Variants in EMP2 observed in about 807,000 individuals in gnomAD.
The protein encoded by EMP2 is epithelial membrane protein 2.
In EMP2, 19 loss-of-function variants were observed where a neutral mutation model predicts 13.7. The observed-to-expected ratio is 1.38, with a 90% CI of 0.97 to 2.03. The LOEUF (loss-of-function observed/expected upper bound fraction) is 2.03. EMP2 is among the 30% of genes most tolerant of loss of function. EMP2 has a pLI of 0.00. For synonymous variants in EMP2, 97 were observed against 84.7 expected (o/e 1.15, Z -0.80); for missense variants, 253 against 220.7 (o/e 1.15, Z -0.93).
At chr16:10,573,083 T>C (rs1033197490) in intron 1 of EMP2, among the ~76,000 whole-genome samples, 1 of 152,224 alleles carries the variant, frequency 6.6e-6, no homozygotes, top group African/African-American at 2.4e-5. Context: ...GGGGTCTTGC[T>C]CTGTCACCCA....
At chr16:10,569,853 C>A (rs887729531) in intron 1 of EMP2, among the ~76,000 whole-genome samples, 1 of 152,150 alleles carries the variant, frequency 6.6e-6, no homozygotes, top group Admixed American at 6.5e-5. Flanking sequence ...CCATGTCACA[C>A]TGGTATAAAC....
chr16:10,551,106 C>A (rs540236197), intron 1 of EMP2, among the ~76,000 whole-genome samples: 6 of 152,252 alleles, frequency 3.9e-5, no homozygotes, highest in African/African-American at 1.4e-4. Context: ...CGTTTCATCA[C>A]CCCCAAAGTA....
In EMP2 at chr16:10,533,055, G is replaced by C; in HGVS notation, c.354C>G (p.Asp118Glu). The C allele has an allele frequency of 6.2e-7, 1 of 1,607,064 alleles. No homozygotes were observed. Among genetic ancestry groups the C allele is most frequent in the Non-Finnish European group, 8.5e-7 (1 of 1,176,822 alleles). Residue 118 changes from aspartate (D) to glutamate (E), a missense_variant, in exon 5 of 5, where the codon GAC becomes GAG. Asp to Glu is a conservative substitution (Grantham distance 45, BLOSUM62 2). Transcript: ENST00000359543. ...TTTTGTCGTGAATGTCTTCACGCCT[G>C]TCTGTATAAATGGAGGCCGCAATCA... is the stretch of plus-strand genomic sequence containing the variant. ...CVMIAASIYT[D>E]RREDIHDKNA...
chr16:10,575,237 CTTTTTTTTTTTTTT>C (rs761837614), intron 1 of EMP2, among the ~76,000 whole-genome samples: 42 of 52,490 alleles, frequency 8.0e-4, no homozygotes, highest in Admixed American at 3.6e-3. Flanking sequence ...AGCTTGCATT[CTTTTTTTTTTTTTT>C]TTTTTTTTTT....
At chr16:10,570,652 C>T (rs1193257406) in intron 1 of EMP2, among the ~76,000 whole-genome samples, 2 of 152,134 alleles carry the variant, frequency 1.3e-5, no homozygotes, top group African/African-American at 4.8e-5. Context: ...CCCACCTCGG[C>T]CTCCCAAAGT....
intron 1 of EMP2, among the ~76,000 whole-genome samples, chr16:10,564,490 C>CAAAA (rs34683301): frequency 4.2e-5 from 3 of 70,870 alleles, no homozygotes; most frequent in African/African-American, 1.4e-4. Context: ...GACTCTGTCT[C>CAAAA]AAAAAAAAAA....
intron 4 of EMP2, among the ~76,000 whole-genome samples, chr16:10,534,488 G>C (rs1191214321): frequency 6.6e-6 from 1 of 152,202 alleles, no homozygotes; most frequent in Non-Finnish European, 1.5e-5. Context: ...GTCCTTGGCT[G>C]GGTGCGTTGG....
intron 1 of EMP2, among the ~76,000 whole-genome samples, chr16:10,551,104 C>G (rs1300759351): frequency 6.6e-6 from 1 of 152,136 alleles, no homozygotes; most frequent in African/African-American, 2.4e-5. Context: ...AACGTTTCAT[C>G]ACCCCCAAAG....
intron 3 of EMP2, 35 bp from the exon 4 acceptor site, chr16:10,538,109 C>A: frequency 6.2e-7 from 1 of 1,607,146 alleles, no homozygotes; most frequent in Non-Finnish European, 8.5e-7. Context: ...GGACTGAGGA[C>A]CTTGGCCAGC....
At chr16:10,545,277 TC>T (rs1429766614) in intron 2 of EMP2, 1 of 152,174 alleles carries the variant, frequency 6.6e-6, no homozygotes, top group Non-Finnish European at 1.5e-5. Context: ...GAACATTCGG[TC>T]CCATTTATTT....
At chr16:10,549,101 G>C (rs146695860) in intron 1 of EMP2, among the ~76,000 whole-genome samples, 25 of 152,346 alleles carry the variant, frequency 1.6e-4, no homozygotes, top group Non-Finnish European at 2.5e-4. Context: ...GCCATAGTAG[G>C]TTGAAGCCTC....
intron 1 of EMP2, among the ~76,000 whole-genome samples, chr16:10,549,331 T>C (rs966393059): frequency 2.0e-5 from 3 of 152,186 alleles, no homozygotes; most frequent in African/African-American, 4.8e-5. Flanking sequence ...AGGGCATGAA[T>C]ACATGAGGAC....
intron 1 of EMP2, among the ~76,000 whole-genome samples, chr16:10,568,780 CTTTTTTTTTTT>C (rs58406598): frequency 3.5e-5 from 3 of 85,234 alleles, no homozygotes; most frequent in Non-Finnish European, 6.4e-5. Flanking sequence ...CTAGGATTTT[CTTTTTTTTTTT>C]TTTTTTTTTT....
At chr16:10,556,937 A>G (rs966146550) in intron 1 of EMP2, among the ~76,000 whole-genome samples, 2 of 152,218 alleles carry the variant, frequency 1.3e-5, no homozygotes, top group Non-Finnish European at 2.9e-5. Context: ...GCAGTATCAA[A>G]TCATCTTTGT....
At position 10,561,209 on chromosome 16, in the gene EMP2, C is replaced by T. The variant is rs923923389; in HGVS notation, c.-60-13532G>A. 1.1e-4 allele frequency among the ~76,000 whole-genome samples: 16 copies of T among 152,104 alleles called. 1 individual carries two copies. The highest frequency in any genetic ancestry group is 9.8e-4 in the Admixed American group (15 of 15,262). ...CATGATTCTAGTGCCGTGATCTGCA[C>T]TGGGACAGGAAGCAGAAGTAGCATG... On this transcript the variant is annotated intron_variant, in intron 1 of 4. Transcript: ENST00000359543.
chr16:10,557,272 G>A lies in EMP2; in HGVS notation c.-60-9595C>T, dbSNP rs570150823. The stretch of plus-strand genomic sequence containing the variant: ...CTTGGGAGGCTGAGGCATGAGAATC[G>A]CCTGAACCCGGTAGGTGGAGGTTGC... On this transcript the variant is annotated intron_variant, in intron 1 of 4. Transcript: ENST00000359543. Among the ~76,000 whole-genome samples, 7 of 150,664 alleles carry A rather than the reference G, an allele frequency of 4.6e-5. No individual in the cohort carries two copies. In the South Asian group the frequency reaches 6.3e-4, roughly 14 times the overall value.
At chr16:10,534,822 A>T (rs2050634847) in intron 4 of EMP2, among the ~76,000 whole-genome samples, 1 of 152,236 alleles carries the variant, frequency 6.6e-6, no homozygotes, top group African/African-American at 2.4e-5. Context: ...TAGAGCTAAG[A>T]TGAGCTTAGG....
At chr16:10,577,447 A>G (rs986641207) in intron 1 of EMP2, among the ~76,000 whole-genome samples, 5 of 152,074 alleles carry the variant, frequency 3.3e-5, no homozygotes, top group Admixed American at 3.3e-4. Context: ...AGCCAGATGC[A>G]TCTGATTCCT....
At chr16:10,544,609 CA>C (rs2050725699) in intron 2 of EMP2, 1 of 152,368 alleles carries the variant, frequency 6.6e-6, no homozygotes, top group Non-Finnish European at 1.5e-5. Context: ...TAATAGCAGT[CA>C]GGGGTGGGCA....
Sources: gnomAD v4.1 joint callset for allele counts (sites outside exome capture counted in the v4.1 genomes callset) on GRCh38, gnomAD v4.1.1 for gene constraint, MANE v1.5 for transcripts, NCBI Gene and HGNC (gene_info 2026-07-23, HGNC 2026-07-21) for gene names.